The following SNAPC1 variants were observed in gnomAD, a reference collection of about 807,000 sequenced individuals.
SNAPC1 encodes the protein snRNA-activating protein complex subunit 1.
In SNAPC1, 42 loss-of-function variants were observed where a neutral mutation model predicts 50.1. The ratio of observed to expected loss-of-function variants is 0.84; its 90% confidence interval spans 0.65 to 1.08. The LOEUF (loss-of-function observed/expected upper bound fraction) is 1.08. Among genes scored for constraint, SNAPC1 ranks in the 50% least tolerant of loss-of-function variants. The probability of loss-of-function intolerance (pLI) is 0.00; values close to 1 mark genes in which losing one functional copy is unlikely to be tolerated. For missense variants in SNAPC1, 477 were observed against 427.3 expected (o/e 1.12, Z -1.02); for synonymous variants, 164 against 144.2 (o/e 1.14, Z -0.98).
intron 5 of SNAPC1, among the ~76,000 whole-genome samples, 200 bp from the exon 6 acceptor site, chr14:61,777,872 T>G (rs889357682): frequency 3.3e-5 from 5 of 152,230 alleles, no homozygotes; most frequent in Non-Finnish European, 7.3e-5. Context: ...TAGGAGGATT[T>G]AAGCATTTTG....
At chr14:61,766,840 T>A in intron 1 of SNAPC1, 36 bp from the exon 2 acceptor site, 1 of 1,373,568 alleles carries the variant, frequency 7.3e-7, no homozygotes, top group Non-Finnish European at 1.0e-6. Context: ...CTTATTCACT[T>A]AATGAGTCGT....
In SNAPC1 at chr14:61,794,683, T is replaced by C. The variant is rs571049602; in HGVS notation, c.1073-266T>C. Among the ~76,000 whole-genome samples the C allele has an allele frequency of 2.1e-4, 32 of 152,268 alleles. 1 individual carries two copies. The highest frequency in any genetic ancestry group is 6.8e-3 in the Middle Eastern group (2 of 294). ...TTAGCCTCCCAGAGTGCTGGGATTA[T>C]AGGCGTGAGCCACTGCACCTGGCCG... On this transcript the variant is annotated intron_variant, in intron 9 of 9. Coordinates refer to ENST00000216294, the MANE Select transcript of SNAPC1 (RefSeq NM_003082.4).
intron 1 of SNAPC1, among the ~76,000 whole-genome samples, chr14:61,763,940 A>AT (rs1472233134): frequency 2.6e-5 from 4 of 151,326 alleles, no homozygotes; most frequent in Admixed American, 6.6e-5. Flanking sequence ...CATTATTATT[A>AT]TTTTTTTTTC....
At chr14:61,779,975 C>T (rs2045060571) in intron 7 of SNAPC1, among the ~76,000 whole-genome samples, 1 of 152,184 alleles carries the variant, frequency 6.6e-6, no homozygotes, top group Non-Finnish European at 1.5e-5. Flanking sequence ...TCCCAAAGTG[C>T]TGGGATTACA....
Position 61,775,967 on chromosome 14 carries a change from A to G in SNAPC1, c.535-128A>G, listed in dbSNP as rs17834659. 0.14 allele frequency: 82,242 copies of G among 608,926 alleles called. 6,445 individuals carry two copies. Among genetic ancestry groups the G allele is most frequent in the Non-Finnish European group, 0.16 (57,076 of 359,030 alleles). The allele number at this position is 608,926 out of a possible 1,614,324, so 37.7% of individuals were successfully genotyped here. A position where few individuals can be genotyped will look rare whatever the true frequency, so the allele number is the denominator to read the frequency against. ...TGCTTACATGATTATGTTATTTTTAATATACTATAGCATGTTATTACCTAT... is the reference window on the plus strand; with the variant it reads ...TGCTTACATGATTATGTTATTTTTAGTATACTATAGCATGTTATTACCTAT... On this transcript the variant is annotated intron_variant, in intron 4 of 9. Coordinates refer to ENST00000216294, the MANE Select transcript of SNAPC1 (RefSeq NM_003082.4).
At chr14:61,777,974 TA>T in intron 5 of SNAPC1, 97 bp from the exon 6 acceptor site, 1 of 578,444 alleles carries the variant, frequency 1.7e-6, no homozygotes, top group Non-Finnish European at 3.0e-6. Context: ...TTTCATTTAT[TA>T]AAAATGATTT....
At chr14:61,785,515 T>A (rs1320523012) in intron 8 of SNAPC1, among the ~76,000 whole-genome samples, 1 of 152,192 alleles carries the variant, frequency 6.6e-6, no homozygotes, top group Non-Finnish European at 1.5e-5. Context: ...CTCAGTTGAT[T>A]TAGAAAGTTT....
chr14:61,791,566 G>T lies in SNAPC1; in HGVS notation c.977-1241G>T, dbSNP rs1240103135. ...AATGTAATGATTCTATCAAGAAATA[G>T]GCCGGGCACGGTGGCTCACGCCTGT... On this transcript the variant is annotated intron_variant, in intron 8 of 9. Coordinates refer to ENST00000216294, the MANE Select transcript of SNAPC1 (RefSeq NM_003082.4). 2.0e-5 allele frequency among the ~76,000 whole-genome samples: 3 copies of T among 152,158 alleles called. No individual in the cohort carries two copies. The South Asian group carries it at 6.2e-4, about 32-fold the overall frequency.
chr14:61,794,918 T>C, intron 9 of SNAPC1, 31 bp from the exon 10 acceptor site: 1 of 1,515,678 alleles, frequency 6.6e-7, no homozygotes, highest in Non-Finnish European at 9.1e-7. Flanking sequence ...TGTTTTTAGA[T>C]CTGACTGACT....
chr14:61,765,737 T>C (rs989116373), intron 1 of SNAPC1, among the ~76,000 whole-genome samples: 6 of 152,196 alleles, frequency 3.9e-5, no homozygotes, highest in African/African-American at 1.4e-4. Flanking sequence ...TCCTTTCATG[T>C]ACATTTCCTA....
chr14:61,782,489 T>C, intron 8 of SNAPC1, 92 bp downstream of exon 8: 2 of 887,580 alleles, frequency 2.3e-6, no homozygotes, highest in Non-Finnish European at 3.3e-6. Flanking sequence ...TAAGAAGGAT[T>C]AGATACTTGT....
chr14:61,777,347 G>C (rs542157111), intron 5 of SNAPC1, among the ~76,000 whole-genome samples: 1 of 152,254 alleles, frequency 6.6e-6, no homozygotes, highest in African/African-American at 2.4e-5. Context: ...AAATGACTTA[G>C]GCATTTAATG....
At chr14:61,790,920 A>G (rs982782811) in intron 8 of SNAPC1, among the ~76,000 whole-genome samples, 2 of 152,190 alleles carry the variant, frequency 1.3e-5, no homozygotes, top group Non-Finnish European at 2.9e-5. Flanking sequence ...CCACACATTT[A>G]GCTTTGAGCA....
intron 8 of SNAPC1, among the ~76,000 whole-genome samples, chr14:61,788,984 G>A (rs1270138464): frequency 6.6e-6 from 1 of 152,194 alleles, no homozygotes; most frequent in Non-Finnish European, 1.5e-5. Context: ...TGTAGTCCCA[G>A]CACTTTGGGA....
chr14:61,767,423 A>G (rs2044956404), intron 3 of SNAPC1, 71 bp downstream of exon 3: 1 of 982,330 alleles, frequency 1.0e-6, no homozygotes, highest in Non-Finnish European at 1.4e-6. Context: ...AAACCTCTCA[A>G]TCTCCAGAAA....
Position 61,782,338 on chromosome 14 carries a change from A to T in SNAPC1, c.917A>T (p.Lys306Ile). 1 of 1,613,746 alleles carries T rather than the reference A, an allele frequency of 6.2e-7. No individual in the cohort carries two copies. Residue 306 changes from lysine to isoleucine, a missense_variant, in exon 8 of 10, where the codon AAA becomes ATA. Transcript: ENST00000216294. ...CAAGGGCAAGTCAAAGCAACTAGGA[A>T]AAAAGAGAAGAAAGAAAGATTGAAA... is the stretch of plus-strand genomic sequence containing the variant. ...SGQGQVKATRKKEKKERLKPA... is the reference protein window; with the variant it reads ...SGQGQVKATRIKEKKERLKPA...
intron 5 of SNAPC1, among the ~76,000 whole-genome samples, chr14:61,776,945 C>T (rs1015136729): frequency 1.8e-4 from 27 of 152,118 alleles, no homozygotes; most frequent in Non-Finnish European, 7.4e-5. Context: ...ACTTTTTTTA[C>T]CCTGGAAACC....
At chr14:61,785,730 G>A (rs2045111364) in intron 8 of SNAPC1, among the ~76,000 whole-genome samples, 1 of 152,130 alleles carries the variant, frequency 6.6e-6, no homozygotes. Flanking sequence ...CAAAAAGTTG[G>A]ATTTTTTGAG....
At position 61,763,265 on chromosome 14, in the gene SNAPC1, A is replaced by G. The variant is rs141156210; in HGVS notation, c.128+677A>G. Among the ~76,000 whole-genome samples, 43 of 152,152 alleles carry G rather than the reference A, an allele frequency of 2.8e-4. No homozygotes were observed. In the East Asian group the frequency reaches 7.2e-3, roughly 25 times the overall value. The stretch of plus-strand genomic sequence containing the variant: ...CTCGGCCTCCCAAAGCGCTAGGATT[A>G]CAGGAGTGAGCCACCGCGCCCGGCC... On this transcript the variant is annotated intron_variant, in intron 1 of 9. Transcript: ENST00000216294.
Sources: gnomAD v4.1 joint callset for allele counts (sites outside exome capture counted in the v4.1 genomes callset) on GRCh38, gnomAD v4.1.1 for gene constraint, MANE v1.5 for transcripts, NCBI Gene and HGNC (gene_info 2026-07-23, HGNC 2026-07-21) for gene names.